Variants in CTNNA2 observed in about 807,000 individuals in gnomAD.
CTNNA2 encodes catenin alpha-2.
A neutral mutation model predicts 101.0 loss-of-function variants in CTNNA2; 42 were observed. The observed-to-expected ratio is 0.42, with a 90% CI of 0.32 to 0.54. CTNNA2 has a LOEUF of 0.54. CTNNA2 is among the 20% of genes least tolerant of loss of function. The pLI is 0.14. For missense variants in CTNNA2, 871 were observed against 1,223.1 expected (o/e 0.71, Z 4.29); for synonymous variants, 450 against 456.4 (o/e 0.99, Z 0.18).
intron 9 of CTNNA2, among the ~76,000 whole-genome samples, chr2:80,467,022 G>C (rs528178631): frequency 1.3e-5 from 2 of 152,198 alleles, no homozygotes; most frequent in Non-Finnish European, 2.9e-5. Context: ...GTTTAGCCAA[G>C]GAGGTTTACC....
At chr2:79,835,662 C>CTTTTTTTTTT (rs1405806885) in intron 3 of CTNNA2, among the ~76,000 whole-genome samples, 1 of 72,916 alleles carries the variant, frequency 1.4e-5, no homozygotes, top group African/African-American at 7.0e-5. Context: ...AATGGCCTCT[C>CTTTTTTTTTT]TTTGTTTTTT....
At chr2:79,588,936 T>G (rs1213086588) in intron 1 of CTNNA2, among the ~76,000 whole-genome samples, 1 of 152,198 alleles carries the variant, frequency 6.6e-6, no homozygotes, top group Non-Finnish European at 1.5e-5. Context: ...GATCATAAAT[T>G]GAGACTATTA....
chr2:79,863,927 G>A (rs1352695490), intron 4 of CTNNA2, among the ~76,000 whole-genome samples: 1 of 152,160 alleles, frequency 6.6e-6, no homozygotes, highest in Non-Finnish European at 1.5e-5. Flanking sequence ...GAATTGCACA[G>A]CGGGGCATAC....
intron 3 of CTNNA2, among the ~76,000 whole-genome samples, chr2:79,750,605 A>G (rs980942579): frequency 2.2e-4 from 33 of 152,298 alleles, no homozygotes; most frequent in African/African-American, 7.7e-4. Flanking sequence ...ACTTGCGCCT[A>G]TAATCCCAGC....
chr2:80,162,113 A>G (rs1024228706), intron 7 of CTNNA2, among the ~76,000 whole-genome samples: 2 of 152,278 alleles, frequency 1.3e-5, no homozygotes, highest in East Asian at 1.9e-4. Flanking sequence ...TTCACTAGCA[A>G]GAAATTTCTT....
At chr2:79,412,591 T>G (rs1678427886) in intron 4 of CTNNA2, among the ~76,000 whole-genome samples, 1 of 151,846 alleles carries the variant, frequency 6.6e-6, no homozygotes, top group South Asian at 2.1e-4. Flanking sequence ...ATTAAGAAAC[T>G]CACTCAAAAC....
At chr2:79,203,352 T>G (rs566339891) in intron 2 of CTNNA2, among the ~76,000 whole-genome samples, 1 of 152,348 alleles carries the variant, frequency 6.6e-6, no homozygotes, top group Non-Finnish European at 1.5e-5. Flanking sequence ...AAACATATGT[T>G]AAAGATTTTA....
chr2:80,159,460 A>G (rs1231713260), intron 7 of CTNNA2, among the ~76,000 whole-genome samples: 1 of 152,216 alleles, frequency 6.6e-6, no homozygotes, highest in East Asian at 1.9e-4. Flanking sequence ...GTATATAGTG[A>G]TATCTCAGTG....
chr2:80,385,403 G>T (rs984914028), intron 7 of CTNNA2, among the ~76,000 whole-genome samples: 9 of 152,150 alleles, frequency 5.9e-5, no homozygotes, highest in African/African-American at 2.2e-4. Flanking sequence ...AGCCTTCTTG[G>T]AATAAGAAGT....
intron 4 of CTNNA2, among the ~76,000 whole-genome samples, chr2:79,473,028 A>G (rs1671015964): frequency 2.6e-5 from 4 of 152,158 alleles, no homozygotes; most frequent in Admixed American, 2.6e-4. Flanking sequence ...TAATAATGTC[A>G]CTTGATTCTG....
intron 1 of CTNNA2, among the ~76,000 whole-genome samples, chr2:79,635,460 G>A (rs1426119492): frequency 1.3e-5 from 2 of 151,710 alleles, no homozygotes; most frequent in Non-Finnish European, 2.9e-5. Context: ...AAAAAAAAAA[G>A]TGACTACTGC....
At chr2:80,135,527 T>A (rs920642477) in intron 7 of CTNNA2, among the ~76,000 whole-genome samples, 3 of 152,196 alleles carry the variant, frequency 2.0e-5, no homozygotes, top group Admixed American at 6.5e-5. Context: ...CACGTCTCTT[T>A]TCTGCCCTCT....
chr2:80,145,300 C>T (rs1318940117), intron 7 of CTNNA2, among the ~76,000 whole-genome samples: 2 of 152,140 alleles, frequency 1.3e-5, no homozygotes, highest in African/African-American at 4.8e-5. Context: ...CTCTTATCTA[C>T]ACTCAAAGCA....
intron 4 of CTNNA2, among the ~76,000 whole-genome samples, chr2:79,496,206 T>G (rs1322932896): frequency 6.6e-6 from 1 of 152,154 alleles, no homozygotes; most frequent in Non-Finnish European, 1.5e-5. Flanking sequence ...ACCAAAAAAA[T>G]TTAGCAATTG....
intron 6 of CTNNA2, among the ~76,000 whole-genome samples, chr2:79,905,895 C>A (rs2104302539): frequency 6.6e-6 from 1 of 152,290 alleles, no homozygotes; most frequent in Non-Finnish European, 1.5e-5. Flanking sequence ...ATATTTCTTG[C>A]TCAGGATGGA....
chr2:79,188,794 G>A (rs975172341), intron 1 of CTNNA2, among the ~76,000 whole-genome samples: 2 of 152,158 alleles, frequency 1.3e-5, no homozygotes, highest in Non-Finnish European at 2.9e-5. Flanking sequence ...GAGAGTTAGT[G>A]TTGTGAAAGA....
intron 1 of CTNNA2, among the ~76,000 whole-genome samples, chr2:79,628,572 A>G (rs1467491167): frequency 6.6e-6 from 1 of 152,228 alleles, no homozygotes; most frequent in Non-Finnish European, 1.5e-5. Flanking sequence ...AGAATTAATA[A>G]CATTTAAATG....
At chr2:79,281,201 G>C (rs1028364104) in intron 2 of CTNNA2, among the ~76,000 whole-genome samples, 1 of 152,088 alleles carries the variant, frequency 6.6e-6, no homozygotes, top group Non-Finnish European at 1.5e-5. Flanking sequence ...TGCCCTGTAT[G>C]TCATGGTCCA....
At chr2:79,759,166 A>G (rs114425237) in intron 3 of CTNNA2, among the ~76,000 whole-genome samples, 2,572 of 152,226 alleles carry the variant, frequency 0.017, 64 homozygotes, top group African/African-American at 0.059. Context: ...TTGTTGCCAC[A>G]GTTAAAAATG....
Sources: allele counts gnomAD v4.1 joint callset (sites outside exome capture counted in the v4.1 genomes callset), GRCh38; gene constraint gnomAD v4.1.1; transcripts MANE v1.5; gene names NCBI Gene and HGNC (gene_info 2026-07-23, HGNC 2026-07-21).